NCAPG2: variants seen among roughly 807,000 people sequenced by gnomAD.
NCAPG2 encodes the protein condensin-2 complex subunit G2.
In NCAPG2, 53 loss-of-function variants were observed where a neutral mutation model predicts 141.1. The ratio of observed to expected loss-of-function variants is 0.38; its 90% confidence interval spans 0.30 to 0.47. NCAPG2 has a LOEUF of 0.47. Ranked by LOEUF, NCAPG2 falls within the 20% of genes least tolerant of loss-of-function variation. The pLI is 0.99. For synonymous variants in NCAPG2, 499 were observed against 490.7 expected (o/e 1.02, Z -0.22); for missense variants, 1,087 against 1,389.0 (o/e 0.78, Z 3.46).
intron 13 of NCAPG2, chr7:158,667,183 A>G (rs1833034191): frequency 1.0e-6 from 1 of 985,280 alleles, no homozygotes; most frequent in Non-Finnish European, 1.2e-6. Flanking sequence ...TGCACTTGCA[A>G]AGATAAGGAC....
chr7:158,689,420 T>C (rs541039038), intron 6 of NCAPG2, among the ~76,000 whole-genome samples: 7 of 152,290 alleles, frequency 4.6e-5, no homozygotes, highest in South Asian at 2.1e-4. Flanking sequence ...GAAGCCTCTC[T>C]GGATTTACAG....
At chr7:158,657,161 T>G (rs1020699737) in intron 17 of NCAPG2, among the ~76,000 whole-genome samples, 1 of 152,176 alleles carries the variant, frequency 6.6e-6, no homozygotes, top group Non-Finnish European at 1.5e-5. Context: ...AATTAAAAAT[T>G]TTCTAGTACC....
At chr7:158,702,516 T>C (rs1325143242) in intron 1 of NCAPG2, among the ~76,000 whole-genome samples, 4 of 152,252 alleles carry the variant, frequency 2.6e-5, no homozygotes, top group Non-Finnish European at 5.9e-5. Context: ...GGGGACTTTG[T>C]ATACCCTCCA....
intron 11 of NCAPG2, among the ~76,000 whole-genome samples, chr7:158,678,320 C>A (rs1164645914): frequency 6.6e-6 from 1 of 152,158 alleles, no homozygotes; most frequent in Non-Finnish European, 1.5e-5. Context: ...GCACCAGGGA[C>A]AGGAGCTCTC....
chr7:158,690,826 C>T, intron 4 of NCAPG2, 104 bp from the exon 5 acceptor site: 2 of 1,032,006 alleles, frequency 1.9e-6, no homozygotes, highest in Non-Finnish European at 2.7e-6. Flanking sequence ...TAAAGCTTTG[C>T]TAAGCAAATA....
chr7:158,669,368 C>A (rs1833524552), intron 13 of NCAPG2, among the ~76,000 whole-genome samples: 1 of 152,196 alleles, frequency 6.6e-6, no homozygotes, highest in Non-Finnish European at 1.5e-5. Flanking sequence ...AATGGTTGAA[C>A]TAATTTACAC....
intron 13 of NCAPG2, chr7:158,667,156 C>T (rs575899486): frequency 1.0e-6 from 1 of 985,442 alleles, no homozygotes; most frequent in Non-Finnish European, 1.2e-6. Flanking sequence ...ACCTCACAAC[C>T]AAATGGCTGT....
intron 11 of NCAPG2, among the ~76,000 whole-genome samples, chr7:158,677,054 G>C (rs1834095770): frequency 6.6e-6 from 1 of 152,080 alleles, no homozygotes; most frequent in African/African-American, 2.4e-5. Context: ...TGTGGCAAGG[G>C]CTGCAAACAA....
At position 158,682,598 on chromosome 7, in the gene NCAPG2, C is replaced by T. The variant is rs1338905544; in HGVS notation, c.924+702G>A. 2.0e-5 allele frequency among the ~76,000 whole-genome samples: 3 copies of T among 152,260 alleles called. No homozygotes were observed. The South Asian group carries it at 6.2e-4, about 32-fold the overall frequency. ...ACAACAAAACAAAGAAATGAGTAGT[C>T]TTTATTCACTTGGTTTCTTGACATA... On this transcript the variant is annotated intron_variant, in intron 9 of 27. Transcript: ENST00000356309.
At chr7:158,658,854 C>G (rs1832236651) in intron 16 of NCAPG2, among the ~76,000 whole-genome samples, 1 of 151,938 alleles carries the variant, frequency 6.6e-6, no homozygotes, top group Non-Finnish European at 1.5e-5. Context: ...AAAACAAAAT[C>G]AGAATATCTT....
At chr7:158,675,357 G>C (rs1015856114) in intron 12 of NCAPG2, 120 bp downstream of exon 12, 7 of 1,106,444 alleles carry the variant, frequency 6.3e-6, no homozygotes, top group Non-Finnish European at 8.6e-6. Flanking sequence ...TATATGACAG[G>C]TCAAAAATGT....
rs1458714447 is a variant in NCAPG2, at chr7:158,660,426, TTTTA to T, written c.1989+1764_1989+1767del. On this transcript the variant is annotated intron_variant, in intron 16 of 27. Coordinates refer to ENST00000356309, the MANE Select transcript of NCAPG2 (RefSeq NM_017760.7). ...CTTTTTTTTTTTTTTTTTTTTTTTT[TTTTA>T]AAAGAGGCAGGGTCTCACTCTGTTG... Among the ~76,000 whole-genome samples, 131 of 94,618 alleles carry T rather than the reference TTTTA, an allele frequency of 1.4e-3. 7 individuals carry two copies. The highest frequency in any genetic ancestry group is 6.9e-3 in the South Asian group (19 of 2,742). The allele number at this position is 94,618 out of a possible 152,430, so 62.1% of individuals were successfully genotyped here.
chr7:158,674,945 C>CA (rs1314443148), intron 12 of NCAPG2, among the ~76,000 whole-genome samples: 2 of 152,216 alleles, frequency 1.3e-5, no homozygotes, highest in African/African-American at 4.8e-5. Flanking sequence ...GTTCATTCCA[C>CA]ACCTGGCCGT....
At position 158,664,065 on chromosome 7, in the gene NCAPG2, CTTGT is replaced by C. The variant is rs1371626199; in HGVS notation, c.1815+115_1815+118del. On this transcript the variant is annotated intron_variant, in intron 15 of 27. Coordinates refer to ENST00000356309, the MANE Select transcript of NCAPG2 (RefSeq NM_017760.7). ...TGTTATTTATGACCTTCCAAAATAACTTGTTTAATTAACAATACTAAAGGAACAA... is the reference window on the plus strand; with the variant it reads ...TGTTATTTATGACCTTCCAAAATAACTTAATTAACAATACTAAAGGAACAA... 4.3e-5 allele frequency: 34 copies of C among 787,890 alleles called. 1 individual carries two copies. In the African/African-American group the frequency reaches 4.7e-4, roughly 11 times the overall value. The allele number at this position is 787,890 out of a possible 1,614,324, so 48.8% of individuals were successfully genotyped here.
intron 27 of NCAPG2, among the ~76,000 whole-genome samples, chr7:158,639,355 G>GCAAGCA (rs1830489231): frequency 6.6e-6 from 1 of 152,108 alleles, no homozygotes; most frequent in East Asian, 1.9e-4. Flanking sequence ...CAATTCACCT[G>GCAAGCA]CCTTGGCCTC....
chr7:158,669,253 T>G (rs1833516594), intron 13 of NCAPG2, among the ~76,000 whole-genome samples: 5 of 152,208 alleles, frequency 3.3e-5, no homozygotes, highest in African/African-American at 1.2e-4. Flanking sequence ...ATCTTTATAA[T>G]AAAATGATTT....
At chr7:158,652,271 C>T in intron 23 of NCAPG2, 22 bp downstream of exon 23, 5 of 1,605,516 alleles carry the variant, frequency 3.1e-6, no homozygotes, top group South Asian at 1.1e-5. Flanking sequence ...TAGCGAACCC[C>T]GTCCTGGGGA....
At position 158,645,582 on chromosome 7, in the gene NCAPG2, T is replaced by C. The variant is rs1419943381; in HGVS notation, c.3217A>G (p.Asn1073Asp). 1.2e-6 allele frequency: 2 copies of C among 1,614,102 alleles called. No individual in the cohort carries two copies. Among genetic ancestry groups the C allele is most frequent in the African/African-American group, 1.3e-5 (1 of 74,940 alleles). The change falls in exon 26 of 28, where the codon AAT becomes GAT. Residue 1073 changes from asparagine to aspartate, a missense_variant. By Grantham distance (23) the Asn-to-Asp change is conservative. Transcript: ENST00000356309. Reference sequence around the variant, plus strand: ...AGGCACACAATGCCTTCAATATCATTAGAAGCCACACATGCCTTTAATTCA... The same window carrying C: ...AGGCACACAATGCCTTCAATATCATCAGAAGCCACACATGCCTTTAATTCA... ...LDELKACVAS[N>D]DIEGIVCLTA...
chr7:158,645,783 A>G (rs577385340), intron 25 of NCAPG2, among the ~76,000 whole-genome samples, 164 bp from the exon 26 acceptor site: 89 of 152,272 alleles, frequency 5.8e-4, no homozygotes, highest in African/African-American at 2.0e-3. Context: ...AGTGTGCCAG[A>G]TTGTACAGTG....
Sources: allele counts gnomAD v4.1 joint callset (sites outside exome capture counted in the v4.1 genomes callset), GRCh38; gene constraint gnomAD v4.1.1; transcripts MANE v1.5; gene names NCBI Gene and HGNC (gene_info 2026-07-23, HGNC 2026-07-21).